Variants in DIS3L2 observed in about 807,000 individuals in gnomAD.
The protein encoded by DIS3L2 is DIS3 like 3'-5' exoribonuclease 2, also known as DIS3-like exonuclease 2.
A neutral mutation model predicts 97.5 loss-of-function variants in DIS3L2; 34 were observed. The ratio of observed to expected loss-of-function variants is 0.35; its 90% confidence interval spans 0.27 to 0.46. The LOEUF (loss-of-function observed/expected upper bound fraction) is 0.46, where lower values mean the gene tolerates loss of function less well. Ranked by LOEUF, DIS3L2 falls within the 20% of genes least tolerant of loss-of-function variation. The pLI, the probability that DIS3L2 is intolerant of heterozygous loss-of-function variation, is 1.00. For missense variants in DIS3L2, 1,038 were observed against 1,146.0 expected (o/e 0.91, Z 1.36); for synonymous variants, 435 against 445.2 (o/e 0.98, Z 0.29).
At chr2:232,192,939 C>T (rs533205050) in intron 9 of DIS3L2, among the ~76,000 whole-genome samples, 1 of 152,316 alleles carries the variant, frequency 6.6e-6, no homozygotes, top group African/African-American at 2.4e-5. Context: ...TTCTTCCTCT[C>T]TGCCTCTCCT....
chr2:232,286,193 G>A (rs905170515), intron 13 of DIS3L2, among the ~76,000 whole-genome samples: 12 of 152,126 alleles, frequency 7.9e-5, no homozygotes, highest in Non-Finnish European at 1.5e-5. Context: ...TTTTTCAGTC[G>A]TGAGCTTCAT....
intron 6 of DIS3L2, among the ~76,000 whole-genome samples, chr2:232,118,723 A>G (rs1390241305): frequency 1.3e-5 from 2 of 152,244 alleles, no homozygotes; most frequent in Non-Finnish European, 2.9e-5. Flanking sequence ...ATTTGGCATC[A>G]AAAGCAGTGA....
intron 14 of DIS3L2, among the ~76,000 whole-genome samples, chr2:232,304,966 G>T (rs1009979956): frequency 1.7e-4 from 26 of 152,044 alleles, no homozygotes; most frequent in Non-Finnish European, 3.8e-4. Context: ...ATCTGTTAAT[G>T]CTGCATTGTA....
chr2:232,228,565 C>T (rs1266716403), intron 10 of DIS3L2, among the ~76,000 whole-genome samples: 1 of 152,178 alleles, frequency 6.6e-6, no homozygotes, highest in African/African-American at 2.4e-5. Context: ...ACTAAGTTCA[C>T]CTTTATAGAG....
intron 1 of DIS3L2, among the ~76,000 whole-genome samples, chr2:231,980,978 C>T (rs899655454): frequency 6.6e-6 from 1 of 152,148 alleles, no homozygotes; most frequent in African/African-American, 2.4e-5. Flanking sequence ...GACAAAGTCT[C>T]TGTTGCTCAG....
chr2:232,232,173 G>A (rs1692810455), intron 10 of DIS3L2, among the ~76,000 whole-genome samples: 1 of 152,118 alleles, frequency 6.6e-6, no homozygotes. Flanking sequence ...AGCTTCTTGT[G>A]AAGTGGTGAT....
intron 8 of DIS3L2, among the ~76,000 whole-genome samples, chr2:232,142,305 A>G (rs923878481): frequency 2.0e-5 from 3 of 152,126 alleles, no homozygotes; most frequent in African/African-American, 4.8e-5. Flanking sequence ...ACACTGAGAA[A>G]ATCCTGGTCA....
chr2:232,341,787 T>G (rs1696106262), downstream of DIS3L2, among the ~76,000 whole-genome samples: 1 of 149,752 alleles, frequency 6.7e-6, no homozygotes, highest in African/African-American at 2.4e-5. Context: ...GGCCCAGGCC[T>G]TAAGAGACTG....
intron 11 of DIS3L2, 128 bp from the exon 12 acceptor site, chr2:232,249,111 G>C: frequency 1.2e-6 from 1 of 804,514 alleles, no homozygotes; most frequent in Non-Finnish European, 2.0e-6. Context: ...CAGAGTCTTT[G>C]GGAACAGAGC....
intron 9 of DIS3L2, among the ~76,000 whole-genome samples, chr2:232,199,973 A>G (rs923046600): frequency 6.6e-6 from 1 of 152,244 alleles, no homozygotes; most frequent in Non-Finnish European, 1.5e-5. Context: ...AGAAAAAAGA[A>G]TTCAAGTAAC....
chr2:232,035,424 T>C (rs764316442), intron 5 of DIS3L2, among the ~76,000 whole-genome samples: 23 of 152,190 alleles, frequency 1.5e-4, no homozygotes, highest in Non-Finnish European at 2.5e-4. Context: ...CTAAATACAG[T>C]ACACTGATGG....
chr2:232,223,699 TG>T (rs1485535412), intron 10 of DIS3L2, among the ~76,000 whole-genome samples: 1 of 152,228 alleles, frequency 6.6e-6, no homozygotes, highest in Non-Finnish European at 1.5e-5. Context: ...CTCAGAATTA[TG>T]GGGAAGACTA....
chr2:232,312,234 T>C (rs1559206806), intron 14 of DIS3L2, among the ~76,000 whole-genome samples: 1 of 152,252 alleles, frequency 6.6e-6, no homozygotes, highest in Non-Finnish European at 1.5e-5. Context: ...GTTAAATGCT[T>C]TTTGTATACC....
At chr2:232,034,483 T>A (rs3116233) in intron 5 of DIS3L2, among the ~76,000 whole-genome samples, 81,636 of 151,962 alleles carry the variant, frequency 0.54, 23,459 homozygotes, top group East Asian at 0.69. Context: ...TCTGCTCCGA[T>A]CTTAGTTATT....
At chr2:231,970,598 G>A (rs531370817) in intron 1 of DIS3L2, among the ~76,000 whole-genome samples, 6 of 152,160 alleles carry the variant, frequency 3.9e-5, no homozygotes, top group Non-Finnish European at 8.8e-5. Context: ...CCTGTATAGG[G>A]CATTGACCAT....
intron 5 of DIS3L2, among the ~76,000 whole-genome samples, chr2:232,031,321 T>G (rs1694797128): frequency 6.6e-6 from 1 of 152,152 alleles, no homozygotes; most frequent in Admixed American, 6.5e-5. Flanking sequence ...GAGTTATAGC[T>G]ATATGCCAGG....
chr2:232,088,390 CAAAAAAA>C (rs778505065), intron 6 of DIS3L2, among the ~76,000 whole-genome samples: 24 of 55,700 alleles, frequency 4.3e-4, no homozygotes, highest in Admixed American at 1.4e-3. Flanking sequence ...ACTAAAAATA[CAAAAAAA>C]AAAAAAAAAA....
chr2:232,080,812 G>C (rs1202336167), intron 5 of DIS3L2, among the ~76,000 whole-genome samples: 1 of 151,016 alleles, frequency 6.6e-6, no homozygotes, highest in Non-Finnish European at 1.5e-5. Flanking sequence ...GAAGTGGGAG[G>C]ATCTCTTGAG....
At chr2:232,041,129 A>G (rs748085291) in intron 5 of DIS3L2, among the ~76,000 whole-genome samples, 1 of 152,162 alleles carries the variant, frequency 6.6e-6, no homozygotes, top group African/African-American at 2.4e-5. Flanking sequence ...GAGAGGTATG[A>G]TAGGACATTA....
Sources: gnomAD v4.1 joint callset for allele counts (sites outside exome capture counted in the v4.1 genomes callset) on GRCh38, gnomAD v4.1.1 for gene constraint, MANE v1.5 for transcripts, NCBI Gene and HGNC (gene_info 2026-07-23, HGNC 2026-07-21) for gene names.